The following PRDM5 variants were observed in gnomAD, a reference collection of about 807,000 sequenced individuals.
The protein encoded by PRDM5 is PR domain zinc finger protein 5.
Under a neutral mutation model 81.2 loss-of-function variants are expected in PRDM5, and 56 were observed. That is an observed-to-expected ratio of 0.69 (90% CI 0.56 to 0.86). PRDM5 has a LOEUF of 0.86. Among genes scored for constraint, PRDM5 ranks in the 40% least tolerant of loss-of-function variants. The pLI, the probability that PRDM5 is intolerant of heterozygous loss-of-function variation, is 0.00. For synonymous variants in PRDM5, 267 were observed against 256.4 expected (o/e 1.04, Z -0.39); for missense variants, 697 against 770.1 (o/e 0.91, Z 1.12).
intron 15 of PRDM5, among the ~76,000 whole-genome samples, chr4:120,709,196 A>G (rs1048127549): frequency 6.6e-6 from 1 of 152,192 alleles, no homozygotes; most frequent in Non-Finnish European, 1.5e-5. Flanking sequence ...TCTGGGCTGT[A>G]TATCAGCTAC....
At chr4:120,734,679 C>T (rs951194263) in intron 14 of PRDM5, among the ~76,000 whole-genome samples, 3 of 152,208 alleles carry the variant, frequency 2.0e-5, no homozygotes, top group African/African-American at 4.8e-5. Flanking sequence ...TCTTTGGCTG[C>T]TCCTTCCTGG....
chr4:120,870,950 C>T (rs553186955), intron 2 of PRDM5, among the ~76,000 whole-genome samples: 64 of 152,254 alleles, frequency 4.2e-4, no homozygotes, highest in African/African-American at 1.5e-3. Context: ...TCTACCTTCT[C>T]CTACTCTCTT....
At chr4:120,688,264 T>C (rs1164485017), downstream of PRDM5, among the ~76,000 whole-genome samples, 2 of 152,100 alleles carry the variant, frequency 1.3e-5, no homozygotes, top group Non-Finnish European at 2.9e-5. Context: ...TGCTTTTTTT[T>C]TTGGCCATTT....
intron 12 of PRDM5, among the ~76,000 whole-genome samples, chr4:120,777,740 G>A (rs1351823199): frequency 6.6e-6 from 1 of 152,066 alleles, no homozygotes; most frequent in Non-Finnish European, 1.5e-5. Context: ...GACTAGACTG[G>A]TTTTACTGCA....
At chr4:120,786,500 T>C (rs1441616815) in intron 10 of PRDM5, among the ~76,000 whole-genome samples, 1 of 152,136 alleles carries the variant, frequency 6.6e-6, no homozygotes, top group Non-Finnish European at 1.5e-5. Context: ...GTAGAAAGTT[T>C]AGTAAATGGC....
intron 2 of PRDM5, among the ~76,000 whole-genome samples, chr4:120,855,141 T>C (rs1488867340): frequency 1.3e-5 from 2 of 152,116 alleles, no homozygotes; most frequent in Admixed American, 6.6e-5. Flanking sequence ...AAAACTGATA[T>C]TTAAAGATTC....
intron 2 of PRDM5, among the ~76,000 whole-genome samples, chr4:120,879,004 C>T (rs1762587562): frequency 6.6e-6 from 1 of 152,152 alleles, no homozygotes; most frequent in Non-Finnish European, 1.5e-5. Context: ...TAAACATACT[C>T]TTACCATGTG....
chr4:120,868,515 A>T (rs1465175028), intron 2 of PRDM5, among the ~76,000 whole-genome samples: 1 of 152,178 alleles, frequency 6.6e-6, no homozygotes. Flanking sequence ...CTATGAACCT[A>T]GAGGTTAGAA....
chr4:120,755,975 CAAACAG>C (rs1744683152), intron 13 of PRDM5, among the ~76,000 whole-genome samples: 1 of 152,166 alleles, frequency 6.6e-6, no homozygotes, highest in Non-Finnish European at 1.5e-5. Flanking sequence ...AATCACAACA[CAAACAG>C]GAACAGGTCC....
chr4:120,796,326 A>C (rs1191799188), intron 10 of PRDM5, among the ~76,000 whole-genome samples: 9 of 152,170 alleles, frequency 5.9e-5, no homozygotes, highest in Non-Finnish European at 1.0e-4. Context: ...GTGCAGAAGG[A>C]TTGAGTGTTG....
At chr4:120,782,420 T>TA (rs1258547399) in intron 11 of PRDM5, among the ~76,000 whole-genome samples, 1 of 152,062 alleles carries the variant, frequency 6.6e-6, no homozygotes, top group Non-Finnish European at 1.5e-5. Flanking sequence ...AAGACTCTAT[T>TA]ATTTCTTCAC....
chr4:120,815,093 A>C (rs558005260), intron 7 of PRDM5, among the ~76,000 whole-genome samples: 1 of 152,246 alleles, frequency 6.6e-6, no homozygotes, highest in Non-Finnish European at 1.5e-5. Context: ...TTTTTTACTT[A>C]GTTCAGCAAA....
At chr4:120,818,245 C>A in intron 5 of PRDM5, 108 bp downstream of exon 5, 1 of 1,161,278 alleles carries the variant, frequency 8.6e-7, no homozygotes, top group Non-Finnish European at 1.3e-6. Flanking sequence ...AAAACATGCG[C>A]GTGCGCGCGT....
chr4:120,900,668 C>G (rs885460), intron 2 of PRDM5, among the ~76,000 whole-genome samples: 11,940 of 152,148 alleles, frequency 0.078, 494 homozygotes, highest in East Asian at 0.15. Context: ...CCATCAATAA[C>G]AGAAGGAGCC....
At chr4:120,872,150 C>CAAAAAAAAAAAAAAAACAA (rs1761874370) in intron 2 of PRDM5, among the ~76,000 whole-genome samples, 1 of 41,842 alleles carries the variant, frequency 2.4e-5, no homozygotes, top group Non-Finnish European at 4.0e-5. Flanking sequence ...GACTCCATCT[C>CAAAAAAAAAAAAAAAACAA]AAAAAAAAAA....
intron 15 of PRDM5, among the ~76,000 whole-genome samples, chr4:120,699,781 G>T (rs989666225): frequency 9.9e-5 from 15 of 151,992 alleles, no homozygotes; most frequent in African/African-American, 3.4e-4. Context: ...ACAAAGAAAT[G>T]GGAAAATATT....
At chr4:120,718,769 C>T (rs1188174545) in intron 14 of PRDM5, among the ~76,000 whole-genome samples, 9 of 152,182 alleles carry the variant, frequency 5.9e-5, no homozygotes, top group Non-Finnish European at 1.3e-4. Flanking sequence ...TTCCTAGTTT[C>T]CCATCTTCTC....
At chr4:120,853,067 T>C (rs1759467159) in intron 3 of PRDM5, among the ~76,000 whole-genome samples, 1 of 152,020 alleles carries the variant, frequency 6.6e-6, no homozygotes, top group Admixed American at 6.6e-5. Flanking sequence ...TCCCAAACAC[T>C]AACAGAGGGT....
At chr4:120,766,792 TTC>T (rs1746451710) in intron 13 of PRDM5, among the ~76,000 whole-genome samples, 2 of 152,170 alleles carry the variant, frequency 1.3e-5, no homozygotes, top group Non-Finnish European at 2.9e-5. Flanking sequence ...TGAACTAGAT[TTC>T]TGAAACCCTT....
Sources: gnomAD v4.1 joint callset for allele counts (sites outside exome capture counted in the v4.1 genomes callset) on GRCh38, gnomAD v4.1.1 for gene constraint, MANE v1.5 for transcripts, NCBI Gene and HGNC (gene_info 2026-07-23, HGNC 2026-07-21) for gene names.